Variants in ARHGAP31 observed in about 807,000 individuals in gnomAD.
The protein encoded by ARHGAP31 is Rho GTPase activating protein 31, also known as rho GTPase-activating protein 31.
Under a neutral mutation model 113.9 loss-of-function variants are expected in ARHGAP31, and 34 were observed. That is an observed-to-expected ratio of 0.30 (90% CI 0.23 to 0.40). ARHGAP31 has a LOEUF of 0.40. ARHGAP31 is among the 10% of genes least tolerant of loss of function. The pLI, the probability that ARHGAP31 is intolerant of heterozygous loss-of-function variation, is 1.00. For synonymous variants in ARHGAP31, 650 were observed against 684.8 expected (o/e 0.95, Z 0.79); for missense variants, 1,548 against 1,767.1 (o/e 0.88, Z 2.22).
In ARHGAP31 at chr3:119,415,863, T is replaced by A; in HGVS notation, c.3934T>A (p.Ser1312Thr). The change falls in exon 12 of 12, where the codon TCA becomes ACA. Residue 1312 changes from serine (S) to threonine (T), a missense_variant. By Grantham distance (58) the Ser-to-Thr change is moderately conservative. Coordinates refer to ENST00000264245, the MANE Select transcript of ARHGAP31 (RefSeq NM_020754.4). The stretch of plus-strand genomic sequence containing the variant: ...AGTAGTGCAATGCAGAAAGCGCATG[T>A]CAGAGACAGAGCCATCTGGGGACAA... ...DAVVQCRKRM[S>T]ETEPSGDNLL... The A allele has an allele frequency of 6.2e-7, 1 of 1,614,212 alleles. No individual in the cohort carries two copies. The highest frequency in any genetic ancestry group is 8.5e-7 in the Non-Finnish European group (1 of 1,180,046).
At chr3:119,368,935 T>G (rs6438525) in intron 3 of ARHGAP31, among the ~76,000 whole-genome samples, 75,613 of 151,792 alleles carry the variant, frequency 0.5, 20,738 homozygotes, top group African/African-American at 0.74. Flanking sequence ...GTAGGTTGGG[T>G]AAAGAGGTGG....
At chr3:119,394,707 C>T (rs1452607862) in intron 8 of ARHGAP31, among the ~76,000 whole-genome samples, 1 of 152,022 alleles carries the variant, frequency 6.6e-6, no homozygotes, top group Non-Finnish European at 1.5e-5. Context: ...GTAATCCCAA[C>T]ACTTTGGGAA....
chr3:119,369,159 A>C (rs2107624684), intron 3 of ARHGAP31, among the ~76,000 whole-genome samples: 1 of 152,314 alleles, frequency 6.6e-6, no homozygotes, highest in Admixed American at 6.5e-5. Flanking sequence ...AAGAAGAATA[A>C]ATGCTTAAAG....
rs147123824 is a variant in ARHGAP31, at chr3:119,333,283, A to G, written c.101-32033A>G. 7.1e-4 allele frequency among the ~76,000 whole-genome samples: 108 copies of G among 152,302 alleles called. 1 individual carries two copies. Among genetic ancestry groups the G allele is most frequent in the African/African-American group, 2.3e-3 (97 of 41,580 alleles). Reference sequence around the variant, plus strand: ...TCCACTATGAACCTATTATCTGTGTATGTATCCTAACTTTTTGAGAAGATA... The same window carrying G: ...TCCACTATGAACCTATTATCTGTGTGTGTATCCTAACTTTTTGAGAAGATA... On this transcript the variant is annotated intron_variant, in intron 1 of 11. Coordinates refer to ENST00000264245, the MANE Select transcript of ARHGAP31 (RefSeq NM_020754.4).
At chr3:119,316,666 A>G (rs973750910) in intron 1 of ARHGAP31, among the ~76,000 whole-genome samples, 1 of 152,232 alleles carries the variant, frequency 6.6e-6, no homozygotes, top group African/African-American at 2.4e-5. Flanking sequence ...AGGATGGTTA[A>G]GTACAAAAAC....
In ARHGAP31 at chr3:119,335,580, G is replaced by A. The variant is rs541428733; in HGVS notation, c.101-29736G>A. On this transcript the variant is annotated intron_variant, in intron 1 of 11. Transcript: ENST00000264245. ...AGGAAGAGAATGGTATTGGGGAGGA[G>A]AACACAGGCTTCCACAGGGATTTGG... 3.2e-4 allele frequency among the ~76,000 whole-genome samples: 49 copies of A among 152,292 alleles called. 1 individual carries two copies. The South Asian group carries it at 3.9e-3, about 12-fold the overall frequency.
intron 11 of ARHGAP31, among the ~76,000 whole-genome samples, chr3:119,411,509 G>A (rs2080716441): frequency 6.6e-6 from 1 of 152,160 alleles, no homozygotes; most frequent in South Asian, 2.1e-4. Flanking sequence ...TGCACTGTGG[G>A]TCCACTTACT....
intron 3 of ARHGAP31, 53 bp downstream of exon 3, chr3:119,368,569 A>G: frequency 6.2e-7 from 1 of 1,602,134 alleles, no homozygotes; most frequent in Non-Finnish European, 8.6e-7. Flanking sequence ...TGGATGGGCC[A>G]AGAAGAGTTT....
intron 1 of ARHGAP31, among the ~76,000 whole-genome samples, chr3:119,332,635 T>TCTCTCACACA (rs1403595583): frequency 1.2e-3 from 104 of 85,714 alleles, no homozygotes; most frequent in Non-Finnish European, 1.7e-3. Flanking sequence ...TCTCTCTCTC[T>TCTCTCACACA]CACACACACA....
At chr3:119,328,814 G>T (rs1280463019) in intron 1 of ARHGAP31, among the ~76,000 whole-genome samples, 1 of 152,002 alleles carries the variant, frequency 6.6e-6, no homozygotes, top group Non-Finnish European at 1.5e-5. Flanking sequence ...CTAACTTTTT[G>T]TATTTTTAAT....
intron 1 of ARHGAP31, among the ~76,000 whole-genome samples, chr3:119,313,212 G>C (rs572918005): frequency 3.9e-5 from 6 of 152,182 alleles, no homozygotes; most frequent in Middle Eastern, 3.4e-3. Context: ...TCCCATCCCT[G>C]TCCCCAGCTT....
chr3:119,379,224 G>A (rs912223781), intron 3 of ARHGAP31, among the ~76,000 whole-genome samples: 8 of 152,310 alleles, frequency 5.3e-5, no homozygotes, highest in African/African-American at 1.7e-4. Context: ...TCTAGCAAGG[G>A]AGACAGACAA....
intron 1 of ARHGAP31, among the ~76,000 whole-genome samples, chr3:119,358,434 T>C (rs151226609): frequency 6.6e-6 from 1 of 152,352 alleles, no homozygotes; most frequent in Non-Finnish European, 1.5e-5. Flanking sequence ...GAAAACAGTT[T>C]GGCAGTGCCT....
intron 1 of ARHGAP31, among the ~76,000 whole-genome samples, chr3:119,355,997 G>A (rs773647858): frequency 2.0e-5 from 3 of 152,136 alleles, no homozygotes; most frequent in Non-Finnish European, 4.4e-5. Flanking sequence ...TTGTCCCCAA[G>A]GAGCTCACAA....
chr3:119,347,065 C>T (rs185435291), intron 1 of ARHGAP31, among the ~76,000 whole-genome samples: 3 of 152,144 alleles, frequency 2.0e-5, no homozygotes, highest in African/African-American at 7.2e-5. Context: ...TGGGAAGAGA[C>T]AAAAAGCACT....
intron 1 of ARHGAP31, among the ~76,000 whole-genome samples, chr3:119,344,819 G>T (rs2080039619): frequency 6.6e-6 from 1 of 152,088 alleles, no homozygotes; most frequent in Non-Finnish European, 1.5e-5. Flanking sequence ...CTATGAGGTA[G>T]ATTGTATTAT....
At chr3:119,297,503 C>T (rs928939491) in intron 1 of ARHGAP31, among the ~76,000 whole-genome samples, 1 of 75,810 alleles carries the variant, frequency 1.3e-5, no homozygotes, top group Non-Finnish European at 2.3e-5. Context: ...GTGCAGTAGA[C>T]CTGCATTGAG....
At chr3:119,311,607 T>C (rs1005126807) in intron 1 of ARHGAP31, among the ~76,000 whole-genome samples, 1 of 152,228 alleles carries the variant, frequency 6.6e-6, no homozygotes, top group Non-Finnish European at 1.5e-5. Context: ...CAGGACACGG[T>C]TGGCTAACAG....
At chr3:119,364,896 C>G (rs577971033) in intron 1 of ARHGAP31, among the ~76,000 whole-genome samples, 10 of 152,110 alleles carry the variant, frequency 6.6e-5, no homozygotes, top group Admixed American at 3.9e-4. Context: ...TGTTGGAGAC[C>G]AGCCTGGTCA....
Sources: gnomAD v4.1 joint callset for allele counts (sites outside exome capture counted in the v4.1 genomes callset) on GRCh38, gnomAD v4.1.1 for gene constraint, MANE v1.5 for transcripts, NCBI Gene and HGNC (gene_info 2026-07-23, HGNC 2026-07-21) for gene names.